SIRT4: variants seen among roughly 807,000 people sequenced by gnomAD.
SIRT4 encodes NAD-dependent protein lipoamidase sirtuin-4, mitochondrial.
In SIRT4, 23 loss-of-function variants were observed where a neutral mutation model predicts 26.1. The observed-to-expected ratio is 0.88, with a 90% CI of 0.63 to 1.25. SIRT4 has a LOEUF of 1.25. Ranked by LOEUF, SIRT4 falls within the 50% of genes most tolerant of loss-of-function variation. SIRT4 has a pLI of 0.00. For synonymous variants in SIRT4, 155 were observed against 158.4 expected, an observed-to-expected ratio of 0.98 and a Z score of 0.16; for missense variants, 361 against 405.4, an observed-to-expected ratio of 0.89 and a Z score of 0.94.
the SIRT4 span, among the ~76,000 whole-genome samples, chr12:120,293,600 CT>C: frequency 1.3e-5 from 2 of 152,004 alleles, no homozygotes; most frequent in Admixed American, 6.6e-5. Flanking sequence ...CTTTTTCAAA[CT>C]TTTTTTTAAA....
intron 2 of SIRT4, among the ~76,000 whole-genome samples, chr12:120,306,941 T>C (rs966742315): frequency 2.6e-5 from 4 of 152,140 alleles, no homozygotes; most frequent in African/African-American, 9.7e-5. Context: ...ACATAGACCA[T>C]AACGTAGCCG....
Position 120,312,456 on chromosome 12 carries a change from G to T in SIRT4, c.498G>T (p.Arg166Ser). 6.2e-7 allele frequency: 1 copy of T among 1,604,702 alleles called. No individual in the cohort carries two copies. Among genetic ancestry groups the T allele is most frequent in the Non-Finnish European group, 8.5e-7 (1 of 1,175,344 alleles). The change falls in exon 3 of 4, where the codon AGG becomes AGT. Residue 166 changes from arginine (R) to serine (S), a missense_variant and splice_region_variant. Physicochemically the swap from Arg to Ser is moderately radical, Grantham distance 110. Coordinates refer to ENST00000202967, the MANE Select transcript of SIRT4 (RefSeq NM_012240.3). ...RLTELHGCMD[R>S]VLCLDCGEQT... ...CAGTCAGCGTCTTCCTTGGTTCCAG[G>T]GTCCTGTGCTTGGATTGTGGGGAAC...
chr12:120,292,095 G>C, the SIRT4 span, among the ~76,000 whole-genome samples: 2 of 152,196 alleles, frequency 1.3e-5, no homozygotes, highest in African/African-American at 2.4e-5. Context: ...AAAACCATAA[G>C]AATATTCGCT....
At chr12:120,293,067 CCT>C in the SIRT4 span, 1 of 120,406 alleles carries the variant, frequency 8.3e-6, no homozygotes, top group African/African-American at 3.0e-5. Flanking sequence ...ACAAAAAAAG[CCT>C]CTGTTGTTCA....
chr12:120,296,646 T>C, the SIRT4 span, among the ~76,000 whole-genome samples: 1 of 151,488 alleles, frequency 6.6e-6, no homozygotes. Flanking sequence ...TAGCTGGGAC[T>C]ACAGGCACAC....
rs752345967 is a variant in SIRT4, at chr12:120,312,564, T to C, written c.606T>C (p.Asp202=). The C allele has an allele frequency of 1.4e-5, 22 of 1,614,042 alleles. No individual in the cohort carries two copies. The South Asian group carries it at 2.0e-4, about 14-fold the overall frequency. The change falls in exon 3 of 4, where the codon GAT becomes GAC. Residue 202 remains aspartate (D), a synonymous_variant. Coordinates refer to ENST00000202967, the MANE Select transcript of SIRT4 (RefSeq NM_012240.3). ...CTGAGGCCCATGGCCTGGCTCCTGA[T>C]GGTGACGTCTTTCTCTCAGAGGAGC... The part of the protein sequence containing the change: ...WSAEAHGLAP[D]GDVFLSEEQV...
At chr12:120,298,959 G>A (rs2136821877), upstream of SIRT4, among the ~76,000 whole-genome samples, 1 of 146,424 alleles carries the variant, frequency 6.8e-6, no homozygotes, top group Admixed American at 6.8e-5. Context: ...GGGCGCGGTG[G>A]CTCACGCCTG....
intron 2 of SIRT4, among the ~76,000 whole-genome samples, chr12:120,310,945 C>G (rs1872937556): frequency 1.4e-5 from 2 of 148,054 alleles, no homozygotes; most frequent in Non-Finnish European, 3.0e-5. Context: ...CCGTGTTAGC[C>G]AGGATGGTCT....
chr12:120,303,500 C>CA, intron 1 of SIRT4, 61 bp from the exon 2 acceptor site: 1 of 1,513,718 alleles, frequency 6.6e-7, no homozygotes, highest in African/African-American at 1.4e-5. Flanking sequence ...AACAAACAAA[C>CA]AAAAAATGAG....
intron 2 of SIRT4, among the ~76,000 whole-genome samples, chr12:120,305,777 C>A (rs1372404252): frequency 6.6e-6 from 1 of 152,202 alleles, no homozygotes; most frequent in Non-Finnish European, 1.5e-5. Flanking sequence ...CTTTGGGAGG[C>A]TGAGGCAGGC....
the SIRT4 span, chr12:120,293,156 G>T: frequency 6.6e-6 from 1 of 152,146 alleles, no homozygotes; most frequent in African/African-American, 2.4e-5. Flanking sequence ...GTCACGGCGG[G>T]GTATTGGGAA....
At chr12:120,292,227 G>A in the SIRT4 span, among the ~76,000 whole-genome samples, 3 of 152,066 alleles carry the variant, frequency 2.0e-5, no homozygotes, top group African/African-American at 7.3e-5. Flanking sequence ...GCAGACGGAC[G>A]ACTAGCTGTG....
chr12:120,312,913 T>C lies in SIRT4; in HGVS notation c.822T>C (p.Thr274=). ...QVYSGYRFIL[T]AWEKKLPIAI... is the part of the protein sequence containing the mutation. ...ACTCTGGTTACAGGTTTATCCTCACTGCCTGGGAGAAGAAGCTCCCGATTG... is the reference window on the plus strand; with the variant it reads ...ACTCTGGTTACAGGTTTATCCTCACCGCCTGGGAGAAGAAGCTCCCGATTG... Residue 274 remains threonine (T), a synonymous_variant, in exon 4 of 4, where the codon ACT becomes ACC. Transcript: ENST00000202967. 6.2e-7 allele frequency: 1 copy of C among 1,614,204 alleles called. No individual in the cohort carries two copies. Among genetic ancestry groups the C allele is most frequent in the Non-Finnish European group, 8.5e-7 (1 of 1,180,036 alleles).
the SIRT4 span, among the ~76,000 whole-genome samples, chr12:120,294,818 A>G: frequency 6.8e-6 from 1 of 147,250 alleles, no homozygotes; most frequent in Non-Finnish European, 1.5e-5. Flanking sequence ...GCCCGGACCA[A>G]CTGTTTATCC....
chr12:120,307,886 A>C (rs753529460), intron 2 of SIRT4, among the ~76,000 whole-genome samples: 2 of 152,104 alleles, frequency 1.3e-5, no homozygotes, highest in African/African-American at 2.4e-5. Flanking sequence ...ACAAACAAAG[A>C]AAAGCACATA....
At chr12:120,310,216 A>G (rs944538395) in intron 2 of SIRT4, among the ~76,000 whole-genome samples, 15 of 151,718 alleles carry the variant, frequency 9.9e-5, no homozygotes, top group African/African-American at 3.6e-4. Flanking sequence ...GATCACAAAA[A>G]TTAGCTGGGC....
chr12:120,293,725 A>G, the SIRT4 span, among the ~76,000 whole-genome samples: 1 of 152,068 alleles, frequency 6.6e-6, no homozygotes, highest in Non-Finnish European at 1.5e-5. Context: ...CCAGAACTTT[A>G]TCTTTCATGC....
At chr12:120,292,840 A>T in the SIRT4 span, among the ~76,000 whole-genome samples, 1 of 152,266 alleles carries the variant, frequency 6.6e-6, no homozygotes, top group Non-Finnish European at 1.5e-5. Context: ...AAAACAGGAC[A>T]GCCAACTGGC....
chr12:120,298,423 T>C (rs1872412986), upstream of SIRT4, among the ~76,000 whole-genome samples: 1 of 151,584 alleles, frequency 6.6e-6, no homozygotes, highest in African/African-American at 2.4e-5. Flanking sequence ...TGAAACCCCG[T>C]CTCTACAAAA....
Sources: allele counts gnomAD v4.1 joint callset (sites outside exome capture counted in the v4.1 genomes callset), GRCh38; gene constraint gnomAD v4.1.1; transcripts MANE v1.5; gene names NCBI Gene and HGNC (gene_info 2026-07-23, HGNC 2026-07-21).